Variants in IKZF1 observed in about 807,000 individuals in gnomAD.
The protein encoded by IKZF1 is DNA-binding protein Ikaros.
IKZF1 carries 10 observed loss-of-function variants against 51.7 expected under a neutral mutation model. That is an observed-to-expected ratio of 0.19 (90% CI 0.12 to 0.33). The LOEUF (loss-of-function observed/expected upper bound fraction) is 0.33, where lower values mean the gene tolerates loss of function less well. Ranked by LOEUF, IKZF1 falls within the 10% of genes least tolerant of loss-of-function variation. The probability of loss-of-function intolerance (pLI) is 1.00; values close to 1 mark genes in which losing one functional copy is unlikely to be tolerated. For synonymous variants in IKZF1, 280 were observed against 282.3 expected, an observed-to-expected ratio of 0.99 and a Z score of 0.08; for missense variants, 484 against 707.5, an observed-to-expected ratio of 0.68 and a Z score of 3.58.
chr7:50,321,250 T>A (rs1793189542), intron 2 of IKZF1, among the ~76,000 whole-genome samples: 1 of 152,230 alleles, frequency 6.6e-6, no homozygotes. Context: ...TTTATTTTCC[T>A]TAAGCGTTTA....
rs971038131 is a variant in IKZF1, at chr7:50,340,331, T to C, written c.160+12574T>C. On this transcript the variant is annotated intron_variant, in intron 3 of 7. Coordinates refer to ENST00000331340, the MANE Select transcript of IKZF1 (RefSeq NM_006060.6). The stretch of plus-strand genomic sequence containing the variant: ...GCAAGGCCTGCTGCCAGGAGAGTAC[T>C]TCCCCCACAGGGGATGTGGCTGCAG... Among the ~76,000 whole-genome samples, 16 of 152,228 alleles carry C rather than the reference T, an allele frequency of 1.1e-4. 1 individual carries two copies. Among genetic ancestry groups the C allele is most frequent in the Admixed American group, 8.5e-4 (13 of 15,288 alleles).
chr7:50,398,676 A>T (rs929677968), intron 7 of IKZF1, among the ~76,000 whole-genome samples: 1 of 152,026 alleles, frequency 6.6e-6, no homozygotes, highest in Non-Finnish European at 1.5e-5. Context: ...TCACTTACTC[A>T]CTGTTCTGTC....
chr7:50,350,306 C>T (rs117288656), intron 3 of IKZF1, among the ~76,000 whole-genome samples: 3,138 of 152,312 alleles, frequency 0.021, 52 homozygotes, highest in Non-Finnish European at 0.026. Flanking sequence ...GAGGCTGGTC[C>T]CTGACTCTGT....
At chr7:50,320,159 G>A (rs934316487) in intron 2 of IKZF1, among the ~76,000 whole-genome samples, 6 of 152,162 alleles carry the variant, frequency 3.9e-5, no homozygotes, top group Middle Eastern at 3.4e-3. Flanking sequence ...GTGAGGCTTC[G>A]TATTTATTAC....
intron 2 of IKZF1, among the ~76,000 whole-genome samples, chr7:50,324,154 G>T (rs1225666113): frequency 6.6e-6 from 1 of 152,172 alleles, no homozygotes; most frequent in African/African-American, 2.4e-5. Flanking sequence ...TAAAATCAGT[G>T]CATAAAAATA....
intron 3 of IKZF1, among the ~76,000 whole-genome samples, chr7:50,361,279 T>C (rs1246933789): frequency 2.0e-5 from 3 of 152,186 alleles, no homozygotes; most frequent in African/African-American, 7.2e-5. Context: ...TTATAAAACT[T>C]GGGGGTAATT....
intron 7 of IKZF1, among the ~76,000 whole-genome samples, chr7:50,393,045 T>A (rs913197437): frequency 2.5e-4 from 38 of 152,092 alleles, no homozygotes; most frequent in African/African-American, 9.2e-4. Flanking sequence ...CACTGGCATA[T>A]TTTTTATGAG....
rs1799392552 is a variant in IKZF1 at position 50,342,915 on chromosome 7, A to C, written c.160+15158A>C. Among the ~76,000 whole-genome samples, 2 of 152,186 alleles carry C rather than the reference A, an allele frequency of 1.3e-5. 1 individual carries two copies. Among genetic ancestry groups the C allele is most frequent in the East Asian group, 3.9e-4 (2 of 5,192 alleles). ...TTCCTGAGTACACCATGATCCAAAAAGGCACAGATTCGTCATGGAAGCTTT... is the reference window on the plus strand; with the variant it reads ...TTCCTGAGTACACCATGATCCAAAACGGCACAGATTCGTCATGGAAGCTTT... On this transcript the variant is annotated intron_variant, in intron 3 of 7. Transcript: ENST00000331340.
intron 5 of IKZF1, 34 bp from the exon 6 acceptor site, chr7:50,387,311 A>G: frequency 6.3e-7 from 1 of 1,599,952 alleles, no homozygotes; most frequent in Non-Finnish European, 8.5e-7. Context: ...CTGGCATTTA[A>G]TTGGGGTCTT....
At chr7:50,378,145 T>C (rs1810841461) in intron 4 of IKZF1, among the ~76,000 whole-genome samples, 1 of 152,234 alleles carries the variant, frequency 6.6e-6, no homozygotes, top group Non-Finnish European at 1.5e-5. Flanking sequence ...TAATTTTTTA[T>C]ATTTGAATCG....
At chr7:50,346,911 G>A (rs1448243935) in intron 3 of IKZF1, among the ~76,000 whole-genome samples, 1 of 152,126 alleles carries the variant, frequency 6.6e-6, no homozygotes, top group African/African-American at 2.4e-5. Flanking sequence ...TCCTAATGGG[G>A]CACATGTGCA....
intron 1 of IKZF1, among the ~76,000 whole-genome samples, chr7:50,311,839 T>G (rs1355823786): frequency 6.6e-6 from 1 of 152,030 alleles, no homozygotes; most frequent in Non-Finnish European, 1.5e-5. Context: ...AGGGAAAAAC[T>G]TACTGTTATA....
Position 50,402,561 on chromosome 7 carries a change from A to G in IKZF1, c.*1934A>G. On this transcript the variant is annotated 3_prime_UTR_variant, in exon 8 of 8. Coordinates refer to ENST00000331340, the MANE Select transcript of IKZF1 (RefSeq NM_006060.6). ...AAATGTCTGGGAAGCCCTCCAAGAA[A>G]AAAAATAGAAAAGCACTTGAAGAAT... is the stretch of plus-strand genomic sequence containing the variant. 4.3e-6 allele frequency: 1 copy of G among 232,352 alleles called. No homozygotes were observed. The highest frequency in any genetic ancestry group is 8.5e-6 in the Non-Finnish European group (1 of 117,378). The allele number at this position is 232,352 out of a possible 1,614,324, so 14.4% of individuals were successfully genotyped here.
In IKZF1 at chr7:50,400,644, C is replaced by T. The variant is rs756974868; in HGVS notation, c.*17C>T. 1.2e-5 allele frequency: 19 copies of T among 1,594,028 alleles called. No homozygotes were observed. The highest frequency in any genetic ancestry group is 1.7e-5 in the Admixed American group (1 of 58,478). ...ATGAGCTAAAGCCCTCCCGCGCCCC[C>T]ACCCCAGACCCCGAGCCACCCCAGG... is the stretch of plus-strand genomic sequence containing the variant. On this transcript the variant is annotated 3_prime_UTR_variant, in exon 8 of 8. Coordinates refer to ENST00000331340, the MANE Select transcript of IKZF1 (RefSeq NM_006060.6). The surrounding 1 kb of genome is among the most constrained non-coding windows in gnomAD (Gnocchi z 5.4).
chr7:50,324,695 T>C (rs73348111), intron 2 of IKZF1, among the ~76,000 whole-genome samples: 12,036 of 152,282 alleles, frequency 0.079, 1,234 homozygotes, highest in African/African-American at 0.24. Context: ...GAAGCGTACC[T>C]GTTATTATGA....
chr7:50,383,199 C>T (rs567299248), intron 5 of IKZF1, among the ~76,000 whole-genome samples: 29 of 152,278 alleles, frequency 1.9e-4, no homozygotes, highest in South Asian at 1.0e-3. Context: ...GACTGAGCCC[C>T]GTGTGGCTCT....
intron 3 of IKZF1, among the ~76,000 whole-genome samples, chr7:50,355,638 T>TAAATAAAA (rs1803128980): frequency 6.6e-6 from 1 of 151,664 alleles, no homozygotes; most frequent in African/African-American, 2.4e-5. Context: ...AATAAATAAA[T>TAAATAAAA]AAATAAATAA....
chr7:50,401,871 G>A lies in IKZF1; in HGVS notation c.*1244G>A, dbSNP rs1339538703. The A allele has an allele frequency of 4.4e-6, 1 of 225,738 alleles. No homozygotes were observed. Among genetic ancestry groups the A allele is most frequent in the Non-Finnish European group, 8.8e-6 (1 of 113,346 alleles). The allele number at this position is 225,738 out of a possible 1,614,324, so 14.0% of individuals were successfully genotyped here. On this transcript the variant is annotated 3_prime_UTR_variant, in exon 8 of 8. Coordinates refer to ENST00000331340, the MANE Select transcript of IKZF1 (RefSeq NM_006060.6). Reference sequence around the variant, plus strand: ...TTGAAACCAAGCTTTCAAACATGTTGAAGCTCTTTACTGTAAAGGCAAGCC... The same window carrying A: ...TTGAAACCAAGCTTTCAAACATGTTAAAGCTCTTTACTGTAAAGGCAAGCC...
chr7:50,358,908 A>G (rs1804369038), intron 3 of IKZF1, among the ~76,000 whole-genome samples: 1 of 152,184 alleles, frequency 6.6e-6, no homozygotes, highest in Admixed American at 6.5e-5. Flanking sequence ...AACGGCTTAA[A>G]GTAGCCACAT....
Sources: gnomAD v4.1 joint callset for allele counts (sites outside exome capture counted in the v4.1 genomes callset) on GRCh38, gnomAD v4.1.1 for gene constraint, Gnocchi (gnomAD v3.1) non-coding constraint, MANE v1.5 for transcripts, NCBI Gene and HGNC (gene_info 2026-07-23, HGNC 2026-07-21) for gene names.